Variants in RAD51B observed in about 807,000 individuals in gnomAD.
The protein encoded by RAD51B is RAD51 paralog B.
Under a neutral mutation model 42.2 loss-of-function variants are expected in RAD51B, and 38 were observed. The ratio of observed to expected loss-of-function variants is 0.90; its 90% CI spans 0.70 to 1.18. The LOEUF (loss-of-function observed/expected upper bound fraction) is 1.18, where lower values mean the gene tolerates loss of function less well. Among genes scored for constraint, RAD51B ranks in the 50% most tolerant of loss-of-function variants. The pLI is 0.00. For missense variants in RAD51B, 373 were observed against 400.7 expected (o/e 0.93, Z 0.59); for synonymous variants, 154 against 145.2 (o/e 1.06, Z -0.43).
chr14:68,225,866 G>A (rs2080026824), intron 7 of RAD51B, among the ~76,000 whole-genome samples: 1 of 152,198 alleles, frequency 6.6e-6, no homozygotes, highest in Non-Finnish European at 1.5e-5. Context: ...GCATAAGGAA[G>A]TATCTACTAA....
intron 10 of RAD51B, among the ~76,000 whole-genome samples, chr14:68,631,578 TG>T (rs1419629161): frequency 1.3e-5 from 2 of 152,180 alleles, no homozygotes; most frequent in East Asian, 3.8e-4. Flanking sequence ...GAATCTCCCA[TG>T]TGCCCGGCAT....
intron 7 of RAD51B, among the ~76,000 whole-genome samples, chr14:68,029,004 T>A (rs1437606266): frequency 6.6e-6 from 1 of 152,226 alleles, no homozygotes; most frequent in Non-Finnish European, 1.5e-5. Context: ...TGGGTTCCCC[T>A]GTAGCTAGGA....
chr14:68,587,819 T>G (rs946296621), intron 10 of RAD51B, among the ~76,000 whole-genome samples: 4 of 152,246 alleles, frequency 2.6e-5, no homozygotes, highest in Non-Finnish European at 4.4e-5. Context: ...CTGACTGGGC[T>G]GCACAGTGTG....
At chr14:68,192,173 G>C (rs2079281167) in intron 7 of RAD51B, among the ~76,000 whole-genome samples, 1 of 152,058 alleles carries the variant, frequency 6.6e-6, no homozygotes, top group Non-Finnish European at 1.5e-5. Flanking sequence ...GAGTTTTGTT[G>C]GTTCTAATAA....
At chr14:68,637,205 G>A (rs546835646) in intron 10 of RAD51B, among the ~76,000 whole-genome samples, 113 of 152,162 alleles carry the variant, frequency 7.4e-4, no homozygotes, top group Non-Finnish European at 1.2e-3. Context: ...TCAGCCTCCA[G>A]AGTAGCTGGG....
chr14:68,224,383 G>C (rs2079992961), intron 7 of RAD51B, among the ~76,000 whole-genome samples: 1 of 152,166 alleles, frequency 6.6e-6, no homozygotes, highest in Non-Finnish European at 1.5e-5. Flanking sequence ...AGCTGTGTAA[G>C]TGATGTAGCT....
downstream of RAD51B, among the ~76,000 whole-genome samples, chr14:68,597,690 G>A (rs1335259923): frequency 6.6e-6 from 1 of 151,928 alleles, no homozygotes; most frequent in East Asian, 1.9e-4. Context: ...ATAACTATTG[G>A]GTACTGGGCT....
intron 8 of RAD51B, among the ~76,000 whole-genome samples, chr14:68,324,258 A>G (rs1334423758): frequency 1.3e-5 from 2 of 152,254 alleles, no homozygotes; most frequent in Non-Finnish European, 2.9e-5. Context: ...AGTAGATTCA[A>G]CAAACCATCT....
chr14:68,497,099 A>G (rs751410752), intron 10 of RAD51B: 4 of 1,370,790 alleles, frequency 2.9e-6, no homozygotes. Context: ...GTATCTTGAC[A>G]CTCATGTTCT....
Position 68,468,196 on chromosome 14 carries a change from G to A in RAD51B, c.982G>A (p.Ala328Thr), listed in dbSNP as rs1158907460. The A allele has an allele frequency of 1.2e-6, 2 of 1,613,952 alleles. No individual in the cohort carries two copies. The highest frequency in any genetic ancestry group is 1.7e-6 in the Non-Finnish European group (2 of 1,179,934). The change falls in exon 10 of 11, where the codon GCT becomes ACT. Residue 328 changes from alanine (A) to threonine (T), a missense_variant. Coordinates refer to ENST00000471583, the MANE Select transcript of RAD51B (RefSeq NM_133510.4). ...RQILIAKSPLAPFTSFVYTIK... is the reference protein window; with the variant it reads ...RQILIAKSPLTPFTSFVYTIK... ...GATTCTTATTGCCAAGTCCCCTCTG[G>A]CTCCCTTCACCTCATTTGTCTACAC...
chr14:68,442,735 G>A (rs942837230), intron 9 of RAD51B, among the ~76,000 whole-genome samples: 6 of 151,896 alleles, frequency 4.0e-5, no homozygotes, highest in Non-Finnish European at 7.4e-5. Flanking sequence ...CACTACACCC[G>A]GCCGGTGCAG....
chr14:68,412,261 A>G (rs907586649), intron 9 of RAD51B, among the ~76,000 whole-genome samples: 28 of 152,182 alleles, frequency 1.8e-4, no homozygotes, highest in African/African-American at 6.5e-4. Flanking sequence ...CCTCAACTTT[A>G]TCCTGCTGTG....
intron 8 of RAD51B, among the ~76,000 whole-genome samples, chr14:68,393,230 T>C (rs2083811262): frequency 6.6e-6 from 1 of 152,210 alleles, no homozygotes; most frequent in Admixed American, 6.5e-5. Flanking sequence ...TACTCAGAAA[T>C]GAATTCCAGG....
chr14:68,341,105 A>G (rs2082563105), intron 8 of RAD51B, among the ~76,000 whole-genome samples: 1 of 152,242 alleles, frequency 6.6e-6, no homozygotes, highest in Admixed American at 6.5e-5. Context: ...GCACAATGTT[A>G]ATGACTAAAT....
intron 7 of RAD51B, among the ~76,000 whole-genome samples, chr14:67,975,223 TG>T (rs2074970419): frequency 6.6e-6 from 1 of 152,244 alleles, no homozygotes. Context: ...TTATTCAAGT[TG>T]AGGTTCTTAT....
chr14:68,005,658 A>C (rs1048895463), intron 7 of RAD51B, among the ~76,000 whole-genome samples: 8 of 152,180 alleles, frequency 5.3e-5, no homozygotes, highest in Non-Finnish European at 8.8e-5. Flanking sequence ...TATGCTGTTA[A>C]CTTGCCTTTC....
chr14:68,030,106 C>G (rs1334326057), intron 7 of RAD51B, among the ~76,000 whole-genome samples: 1 of 152,196 alleles, frequency 6.6e-6, no homozygotes, highest in East Asian at 1.9e-4. Context: ...ATTTCCAGTG[C>G]ACAGGCAGAG....
At chr14:68,306,707 A>G in intron 8 of RAD51B, 1 of 490,712 alleles carries the variant, frequency 2.0e-6, no homozygotes, top group South Asian at 1.5e-5. Flanking sequence ...AAACTCGTTG[A>G]AAACACATGA....
At chr14:68,367,059 A>G (rs568190128) in intron 8 of RAD51B, among the ~76,000 whole-genome samples, 1 of 152,368 alleles carries the variant, frequency 6.6e-6, no homozygotes, top group South Asian at 2.1e-4. Context: ...GCTTTAGGAC[A>G]TAACAGATTT....
Sources: allele counts gnomAD v4.1 joint callset (sites outside exome capture counted in the v4.1 genomes callset), GRCh38; gene constraint gnomAD v4.1.1; transcripts MANE v1.5; gene names NCBI Gene and HGNC (gene_info 2026-07-23, HGNC 2026-07-21).